DAB2IP: variants seen among roughly 807,000 people sequenced by gnomAD.
The protein encoded by DAB2IP is DAB2 interacting protein.
A neutral mutation model predicts 107.2 loss-of-function variants in DAB2IP; 28 were observed. That is an observed-to-expected ratio of 0.26 (90% CI 0.19 to 0.36). The LOEUF is 0.36. Among genes scored for constraint, DAB2IP ranks in the 10% least tolerant of loss-of-function variants. The pLI, the probability that DAB2IP is intolerant of heterozygous loss-of-function variation, is 1.00. For synonymous variants in DAB2IP, 755 were observed against 706.4 expected (o/e 1.07, Z -1.09); for missense variants, 1,400 against 1,644.7 (o/e 0.85, Z 2.57).
At position 121,699,944 on chromosome 9, in the gene DAB2IP, G is replaced by A. The variant is rs910088444; in HGVS notation, c.362+486G>A. Among the ~76,000 whole-genome samples, 6 of 152,248 alleles carry A rather than the reference G, an allele frequency of 3.9e-5. No individual in the cohort carries two copies. Among genetic ancestry groups the A allele is most frequent in the Non-Finnish European group, 8.8e-5 (6 of 68,040 alleles). ...GGGAAGGGTGAACATCTGGAGGGGA[G>A]GAGCAGGGGGCTGGGCCACTTAGGG... On this transcript the variant is annotated intron_variant, in intron 3 of 15. Transcript: ENST00000408936. This position sits in a 1 kb window ranked among gnomAD's most constrained non-coding sequence, Gnocchi z 6.2.
chr9:121,678,471 GGGTTAT>G (rs1302430628), intron 1 of DAB2IP, among the ~76,000 whole-genome samples: 2 of 152,162 alleles, frequency 1.3e-5, no homozygotes, highest in African/African-American at 4.8e-5. Flanking sequence ...CAATTATTTT[GGGTTAT>G]ACCCAGGAGT....
At chr9:121,680,980 T>C (rs1037479968) in intron 2 of DAB2IP, among the ~76,000 whole-genome samples, 4 of 152,092 alleles carry the variant, frequency 2.6e-5, no homozygotes, top group Non-Finnish European at 4.4e-5. Flanking sequence ...TGACCTCAGG[T>C]GATCCTACCA....
chr9:121,719,113 G>A (rs1830777633), intron 3 of DAB2IP, among the ~76,000 whole-genome samples: 1 of 152,162 alleles, frequency 6.6e-6, no homozygotes, highest in Non-Finnish European at 1.5e-5. Context: ...GGGCAAACCT[G>A]GCTATGGTCC....
intron 3 of DAB2IP, among the ~76,000 whole-genome samples, chr9:121,713,928 C>G (rs1267562141): frequency 1.3e-5 from 2 of 152,200 alleles, no homozygotes; most frequent in African/African-American, 4.8e-5. Context: ...GATCCGACGC[C>G]CTGACTTCCT....
chr9:121,612,281 C>G (rs563572696), intron 1 of DAB2IP, among the ~76,000 whole-genome samples: 14 of 152,092 alleles, frequency 9.2e-5, no homozygotes, highest in African/African-American at 2.4e-4. Context: ...GAGCCGTGAT[C>G]GTACCACTGC....
At chr9:121,667,068 T>C (rs1833472532) in intron 1 of DAB2IP, among the ~76,000 whole-genome samples, 1 of 152,208 alleles carries the variant, frequency 6.6e-6, no homozygotes, top group African/African-American at 2.4e-5. Context: ...TGGAGTGCAG[T>C]GGTGCCATCT....
chr9:121,735,823 T>A (rs1564188119), intron 3 of DAB2IP, among the ~76,000 whole-genome samples: 1 of 152,202 alleles, frequency 6.6e-6, no homozygotes, highest in African/African-American at 2.4e-5. Context: ...GGTGTGCCTT[T>A]CCCCTAGGGG....
intron 3 of DAB2IP, among the ~76,000 whole-genome samples, chr9:121,748,423 T>C (rs1653638550): frequency 6.6e-6 from 1 of 152,182 alleles, no homozygotes; most frequent in South Asian, 2.1e-4. Flanking sequence ...TTCTGGACCA[T>C]GTGACCTAGC....
At chr9:121,647,030 A>G (rs1206952087), upstream of DAB2IP, among the ~76,000 whole-genome samples, 1 of 152,188 alleles carries the variant, frequency 6.6e-6, no homozygotes, top group Non-Finnish European at 1.5e-5. Flanking sequence ...GGGACAGTGC[A>G]TGCTAGATGC....
At chr9:121,672,806 A>G (rs1230484714) in intron 1 of DAB2IP, among the ~76,000 whole-genome samples, 1 of 152,188 alleles carries the variant, frequency 6.6e-6, no homozygotes, top group Non-Finnish European at 1.5e-5. Context: ...TGCCACTTTC[A>G]TACTGTGTGA....
chr9:121,755,668 G>C (rs1238451962), intron 3 of DAB2IP, among the ~76,000 whole-genome samples: 1 of 152,182 alleles, frequency 6.6e-6, no homozygotes, highest in African/African-American at 2.4e-5. Context: ...GGGTGGGAGG[G>C]TGGCTACTGT....
In DAB2IP at chr9:121,760,747, G is replaced by A. The variant is rs527649267; in HGVS notation, c.1170+308G>A. On this transcript the variant is annotated intron_variant, in intron 6 of 15. Transcript: ENST00000408936. This position sits in a 1 kb window ranked among gnomAD's most constrained non-coding sequence, Gnocchi z 5.9. ...GAGGACCGACCCCCTGAGGCGCCAG[G>A]GGAACAGGCTGGGTGGCCACGGCTC... Among the ~76,000 whole-genome samples, 1 of 152,126 alleles carries A rather than the reference G, an allele frequency of 6.6e-6. No individual in the cohort carries two copies. The highest frequency in any genetic ancestry group is 1.5e-5 in the Non-Finnish European group (1 of 68,016).
At chr9:121,759,123 C>T in intron 5 of DAB2IP, 127 bp downstream of exon 5, 4 of 864,552 alleles carry the variant, frequency 4.6e-6, no homozygotes, top group Non-Finnish European at 7.4e-6. Context: ...GGAGGCAGGG[C>T]CCGAGTGGAC....
intron 2 of DAB2IP, among the ~76,000 whole-genome samples, chr9:121,688,854 G>A (rs1829020243): frequency 6.6e-6 from 1 of 152,154 alleles, no homozygotes; most frequent in African/African-American, 2.4e-5. Context: ...AAGAGGGTGA[G>A]CCGTGACCTC....
intron 2 of DAB2IP, among the ~76,000 whole-genome samples, chr9:121,686,732 A>C (rs1464811474): frequency 6.6e-6 from 1 of 152,138 alleles, no homozygotes; most frequent in East Asian, 1.9e-4. Context: ...CCCTCCCCAC[A>C]GAGTGGCTGT....
At chr9:121,652,660 G>C (rs996726716) in intron 1 of DAB2IP, among the ~76,000 whole-genome samples, 1 of 152,106 alleles carries the variant, frequency 6.6e-6, no homozygotes, top group Non-Finnish European at 1.5e-5. Context: ...TGGGGTGGAA[G>C]GGAGGAGAAA....
intron 2 of DAB2IP, among the ~76,000 whole-genome samples, chr9:121,685,558 G>T (rs755852559): frequency 1.3e-5 from 2 of 152,244 alleles, no homozygotes; most frequent in Non-Finnish European, 2.9e-5. Flanking sequence ...GCCTCAGCAG[G>T]TCTCCAGCTG....
chr9:121,763,365 C>G (rs1448305494), intron 6 of DAB2IP, 140 bp from the exon 7 acceptor site: 1 of 1,248,854 alleles, frequency 8.0e-7, no homozygotes. Context: ...GGTGGGCACA[C>G]TGTTCCTCTC....
chr9:121,765,392 C>G (rs1252164973), intron 8 of DAB2IP, among the ~76,000 whole-genome samples: 1 of 152,254 alleles, frequency 6.6e-6, no homozygotes, highest in Non-Finnish European at 1.5e-5. Flanking sequence ...AGAGCCACGG[C>G]TAAAGGTGGC....
Sources: gnomAD v4.1 joint callset for allele counts (sites outside exome capture counted in the v4.1 genomes callset) on GRCh38, gnomAD v4.1.1 for gene constraint, Gnocchi (gnomAD v3.1) non-coding constraint, MANE v1.5 for transcripts, NCBI Gene and HGNC (gene_info 2026-07-23, HGNC 2026-07-21) for gene names.